The following PDE11A variants were observed in gnomAD, a reference collection of about 807,000 sequenced individuals.
PDE11A encodes the protein phosphodiesterase 11A, also known as dual 3',5'-cyclic-AMP and -GMP phosphodiesterase 11A.
A neutral mutation model predicts 100.5 loss-of-function variants in PDE11A; 100 were observed. That is an observed-to-expected ratio of 1.00 (90% confidence interval 0.85 to 1.18). The LOEUF (loss-of-function observed/expected upper bound fraction) is 1.18. Among genes scored for constraint, PDE11A ranks in the 50% most tolerant of loss-of-function variants. The pLI is 0.00. For synonymous variants in PDE11A, 381 were observed against 420.8 expected (o/e 0.91, Z 1.16); for missense variants, 1,141 against 1,152.6 (o/e 0.99, Z 0.15).
At chr2:177,750,513 C>A (rs993015784) in intron 10 of PDE11A, among the ~76,000 whole-genome samples, 4 of 152,212 alleles carry the variant, frequency 2.6e-5, no homozygotes, top group Admixed American at 6.5e-5. Flanking sequence ...CTGGTGGATG[C>A]CTCAGCTCAA....
Position 177,711,873 on chromosome 2 carries a change from A to T in PDE11A, c.2049T>A (p.Ala683=). 1 of 1,592,512 alleles carries T rather than the reference A, an allele frequency of 6.3e-7. No homozygotes were observed. Among genetic ancestry groups the T allele is most frequent in the Middle Eastern group, 1.7e-4 (1 of 6,032 alleles). Residue 683 remains alanine (A), a synonymous_variant, in exon 13 of 20, where the codon GCT becomes GCA. Coordinates refer to ENST00000286063, the MANE Select transcript of PDE11A (RefSeq NM_016953.4). ...CCTCGGTCAGAATGTCTTGAAACCC[A>T]GCAGTCTGGGAAGAAGGGGAAAATG... ...CQLMFAMLTT[A]GFQDILTEVE... is the part of the protein sequence containing the mutation.
intron 2 of PDE11A, among the ~76,000 whole-genome samples, chr2:177,915,243 G>C (rs1309720236): frequency 6.6e-6 from 1 of 152,126 alleles, no homozygotes; most frequent in Non-Finnish European, 1.5e-5. Context: ...TTCACTCTTT[G>C]TGTCACACAT....
At chr2:178,042,351 A>G (rs1025469523) in intron 1 of PDE11A, among the ~76,000 whole-genome samples, 1 of 151,958 alleles carries the variant, frequency 6.6e-6, no homozygotes, top group African/African-American at 2.4e-5. Flanking sequence ...GGTGGCACAC[A>G]TTTGTAGTCC....
At chr2:177,937,874 T>C (rs1181238040) in intron 2 of PDE11A, among the ~76,000 whole-genome samples, 1 of 152,144 alleles carries the variant, frequency 6.6e-6, no homozygotes, top group Non-Finnish European at 1.5e-5. Context: ...ATAGATTTAT[T>C]TTCTGAAGAG....
Position 177,912,476 on chromosome 2 carries a change from GAA to G in PDE11A, c.1072-7291_1072-7290del, listed in dbSNP as rs908300850. Among the ~76,000 whole-genome samples the G allele has an allele frequency of 1.3e-5, 2 of 152,228 alleles. 1 individual carries two copies. On this transcript the variant is annotated intron_variant, in intron 2 of 19. Coordinates refer to ENST00000286063, the MANE Select transcript of PDE11A (RefSeq NM_016953.4). ...AGAAGCTCTGGTCTACTGAGTGCTT[GAA>G]TCATGCAGGTACTACTCATATCACT...
chr2:177,787,623 T>C (rs2105528654), intron 9 of PDE11A, among the ~76,000 whole-genome samples: 1 of 150,626 alleles, frequency 6.6e-6, no homozygotes, highest in African/African-American at 2.4e-5. Flanking sequence ...GACCCATCAG[T>C]GTGCTGTATT....
intron 19 of PDE11A, among the ~76,000 whole-genome samples, chr2:177,632,353 T>C (rs2079964802): frequency 6.6e-6 from 1 of 152,232 alleles, no homozygotes; most frequent in African/African-American, 2.4e-5. Flanking sequence ...GTGATTGCTG[T>C]TGTCATCAAT....
At chr2:178,068,016 T>C (rs2087071459) in intron 1 of PDE11A, among the ~76,000 whole-genome samples, 1 of 152,144 alleles carries the variant, frequency 6.6e-6, no homozygotes, top group Admixed American at 6.6e-5. Flanking sequence ...CTGACAAAAA[T>C]TCACCTCACG....
At chr2:177,653,341 A>G (rs1367923036) in intron 19 of PDE11A, among the ~76,000 whole-genome samples, 1 of 152,106 alleles carries the variant, frequency 6.6e-6, no homozygotes, top group Non-Finnish European at 1.5e-5. Context: ...CAGGCTGTTG[A>G]CCTGGCTGTG....
intron 2 of PDE11A, among the ~76,000 whole-genome samples, chr2:178,097,296 T>C (rs1238388270): frequency 1.3e-5 from 2 of 152,294 alleles, no homozygotes; most frequent in South Asian, 2.1e-4. Flanking sequence ...GACTAGGTAA[T>C]TTATAAAGGA....
intron 2 of PDE11A, among the ~76,000 whole-genome samples, chr2:177,908,160 A>G (rs919902432): frequency 1.3e-5 from 2 of 152,204 alleles, no homozygotes; most frequent in African/African-American, 4.8e-5. Context: ...CATATCTTTC[A>G]TACAATTAAT....
chr2:177,791,533 A>G (rs1006286247), intron 9 of PDE11A, among the ~76,000 whole-genome samples: 6 of 76,526 alleles, frequency 7.8e-5, no homozygotes, highest in African/African-American at 2.3e-4. Flanking sequence ...AACTTAAAGT[A>G]TAAAAAAAAA....
chr2:178,022,986 C>G (rs940898852), intron 1 of PDE11A, among the ~76,000 whole-genome samples: 7 of 152,198 alleles, frequency 4.6e-5, no homozygotes, highest in African/African-American at 1.7e-4. Context: ...TTATGCAGAT[C>G]TGTCTTTTGT....
intron 1 of PDE11A, among the ~76,000 whole-genome samples, chr2:178,016,262 C>T (rs1264294799): frequency 2.0e-5 from 3 of 149,202 alleles, no homozygotes; most frequent in Admixed American, 6.9e-5. Context: ...GAATTACAGG[C>T]GTGACCCACA....
At chr2:177,857,712 A>G (rs1334795287) in intron 5 of PDE11A, among the ~76,000 whole-genome samples, 1 of 152,058 alleles carries the variant, frequency 6.6e-6, no homozygotes, top group Non-Finnish European at 1.5e-5. Flanking sequence ...ATGTAAGTGG[A>G]CTAAACACTC....
chr2:177,889,358 A>C (rs76623786), intron 4 of PDE11A, among the ~76,000 whole-genome samples: 13,870 of 152,232 alleles, frequency 0.091, 638 homozygotes, highest in Middle Eastern at 0.15. Flanking sequence ...GAAGTCTATT[A>C]ACACCAAATG....
intron 2 of PDE11A, among the ~76,000 whole-genome samples, chr2:177,965,484 T>C (rs1433480283): frequency 6.6e-6 from 1 of 152,226 alleles, no homozygotes; most frequent in Non-Finnish European, 1.5e-5. Context: ...TAGGGTTTTA[T>C]AGTTTTAAGT....
chr2:177,623,809 ATTTATC>A lies in PDE11A; in HGVS notation c.*5592_*5597del, dbSNP rs2079796349. On this transcript the variant is annotated 3_prime_UTR_variant, in exon 20 of 20. Transcript: ENST00000286063. ...TGTAGTTATGTTATACAGATAAACA[ATTTATC>A]TTTAGCAGTGAGGAGAGAGGTACCA... is the stretch of plus-strand genomic sequence containing the variant. 1 of 152,252 alleles carries A rather than the reference ATTTATC, an allele frequency of 6.6e-6. No homozygotes were observed. The highest frequency in any genetic ancestry group is 2.4e-5 in the African/African-American group (1 of 41,478). The allele number at this position is 152,252 out of a possible 1,614,324, so 9.4% of individuals were successfully genotyped here.
chr2:177,752,001 C>A (rs774229074), intron 10 of PDE11A, among the ~76,000 whole-genome samples: 5 of 152,098 alleles, frequency 3.3e-5, no homozygotes, highest in African/African-American at 4.8e-5. Flanking sequence ...CTTGAACCCA[C>A]GTCTAGTGAT....
Sources: allele counts gnomAD v4.1 joint callset (sites outside exome capture counted in the v4.1 genomes callset), GRCh38; gene constraint gnomAD v4.1.1; transcripts MANE v1.5; gene names NCBI Gene and HGNC (gene_info 2026-07-23, HGNC 2026-07-21).